DDX51: variants seen among roughly 807,000 people sequenced by gnomAD.
DDX51 encodes ATP-dependent RNA helicase DDX51.
A neutral mutation model predicts 74.6 loss-of-function variants in DDX51; 67 were observed. That is an observed-to-expected ratio of 0.90 (90% CI 0.74 to 1.10). DDX51 has a LOEUF of 1.10. DDX51 is among the 50% of genes least tolerant of loss of function. DDX51 has a pLI of 0.00. For missense variants in DDX51, 1,056 were observed against 905.2 expected (o/e 1.17, Z -2.14); for synonymous variants, 545 against 402.9 (o/e 1.35, Z -4.22).
At chr12:132,141,089 C>T (rs888356402) in intron 8 of DDX51, 69 bp from the exon 9 acceptor site, 7 of 1,534,386 alleles carry the variant, frequency 4.6e-6, no homozygotes, top group Non-Finnish European at 6.1e-6. Flanking sequence ...AACAGGATTC[C>T]TCATGCTACG....
rs983409811 is a variant in DDX51 at position 132,138,976 on chromosome 12, T to C, written c.*296A>G. ...ATGCCCCCAACTCTCAGCAAAAGCA[T>C]GACGGGTGCCCGCGTCCGTCTGGGA... On this transcript the variant is annotated 3_prime_UTR_variant, in exon 15 of 15. Transcript: ENST00000397333. 2.1e-6 allele frequency: 1 copy of C among 466,218 alleles called. No individual in the cohort carries two copies. The highest frequency in any genetic ancestry group is 3.8e-6 in the Non-Finnish European group (1 of 261,078). The allele number at this position is 466,218 out of a possible 1,614,324, so 28.9% of individuals were successfully genotyped here.
chr12:132,139,760 A>C lies in DDX51; in HGVS notation c.1849T>G (p.Phe617Val). The C allele has an allele frequency of 6.2e-7, 1 of 1,613,182 alleles. No homozygotes were observed. Among genetic ancestry groups the C allele is most frequent in the Non-Finnish European group, 8.5e-7 (1 of 1,180,006 alleles). The part of the protein sequence containing the change: ...TLLLKVQERR[F>V]LRMLTEAGAP... ...CCAGCTTCAGTTAGCATTCGGAGGA[A>C]TCTCCTCTCCTGGAGAGAAGCTCAT... The change falls in exon 14 of 15, where the codon TTC (phenylalanine) becomes GTC (valine). Residue 617 changes from phenylalanine (F) to valine (V), a missense_variant. By Grantham distance (50) the Phe-to-Val change is conservative (BLOSUM62 -1). Transcript: ENST00000397333.
intron 2 of DDX51, chr12:132,143,368 C>T (rs1002371281): frequency 1.6e-4 from 82 of 500,874 alleles, no homozygotes; most frequent in Admixed American, 7.9e-5. Flanking sequence ...AGCAAAAACA[C>T]CAACGGTCAG....
rs920372873 is a variant in DDX51 at position 132,141,558 on chromosome 12, G to A, written c.1044C>T (p.Gly348=). Reference sequence around the variant, plus strand: ...TCTGGTCGATGTGGTCCACCAGGCGGCCGGGGGTGGCTACCACGATGTCAG... The same window carrying A: ...TCTGGTCGATGTGGTCCACCAGGCGACCGGGGGTGGCTACCACGATGTCAG... The part of the protein sequence containing the change: ...CLADIVVATP[G]RLVDHIDQTP... Residue 348 remains glycine (G), a synonymous_variant, in exon 7 of 15, where the codon GGC becomes GGT. Transcript: ENST00000397333. 1 of 1,604,338 alleles carries A rather than the reference G, an allele frequency of 6.2e-7. No individual in the cohort carries two copies. The highest frequency in any genetic ancestry group is 8.5e-7 in the Non-Finnish European group (1 of 1,177,362).
intron 13 of DDX51, 22 bp downstream of exon 13, chr12:132,139,838 TC>T: frequency 6.2e-7 from 1 of 1,612,860 alleles, no homozygotes; most frequent in Non-Finnish European, 8.5e-7. Flanking sequence ...CAGCAGAAAC[TC>T]CCAAGACCCT....
Position 132,142,388 on chromosome 12 carries a change from G to T in DDX51, c.705C>A (p.Ser235Arg), listed in dbSNP as rs545597344. ...QAAVIPALLESAACGFLVGRG... is the reference protein window; with the variant it reads ...QAAVIPALLERAACGFLVGRG... ...TGCCCACCAGAAACCCACAGGCTGC[G>T]CTCTCCAGGAGGGCAGGAATCACAG... The change falls in exon 4 of 15, where the codon AGC becomes AGA. Residue 235 changes from serine to arginine, a missense_variant. Physicochemically the swap from Ser to Arg is moderately radical, Grantham distance 110 (BLOSUM62 -1). Transcript: ENST00000397333. 6.2e-7 allele frequency: 1 copy of T among 1,612,646 alleles called. No individual in the cohort carries two copies. Among genetic ancestry groups the T allele is most frequent in the Admixed American group, 1.7e-5 (1 of 60,000 alleles).
intron 14 of DDX51, 84 bp from the exon 15 acceptor site, chr12:132,139,382 T>C (rs1015198136): frequency 5.7e-6 from 9 of 1,567,316 alleles, no homozygotes; most frequent in Non-Finnish European, 7.8e-6. Flanking sequence ...CCTGGAACCC[T>C]GAGGACAGGA....
chr12:132,140,596 AC>A (rs1312774350), intron 10 of DDX51, 23 bp downstream of exon 10: 3 of 1,612,276 alleles, frequency 1.9e-6, no homozygotes, highest in Non-Finnish European at 2.5e-6. Flanking sequence ...CACCTCTGCC[AC>A]CCCCGCCCAG....
Position 132,138,321 on chromosome 12 carries a change from A to C in DDX51, c.*951T>G, listed in dbSNP as rs1342067458. 2.0e-5 allele frequency: 3 copies of C among 151,968 alleles called. No homozygotes were observed. Among genetic ancestry groups the C allele is most frequent in the Admixed American group, 2.0e-4 (3 of 15,230 alleles). The allele number at this position is 151,968 out of a possible 1,614,324, so 9.4% of individuals were successfully genotyped here. On this transcript the variant is annotated 3_prime_UTR_variant, in exon 15 of 15. Coordinates refer to ENST00000397333, the MANE Select transcript of DDX51 (RefSeq NM_175066.4). ...CAAGGTTCACAAATCTGGGGAGGAG[A>C]GCTTTTTTTTTGACGGAGTCTCACT...
At position 132,141,173 on chromosome 12, in the gene DDX51, C is replaced by T. The variant is rs1467804776; in HGVS notation, c.1250+102G>A. ...TGACAGTACGATGCGGTTCTGTGCA[C>T]CAGAGCTCAAGCCACCCTTATCTCT... On this transcript the variant is annotated intron_variant, in intron 8 of 14. Coordinates refer to ENST00000397333, the MANE Select transcript of DDX51 (RefSeq NM_175066.4). 15 of 1,506,442 alleles carry T rather than the reference C, an allele frequency of 1.0e-5. No homozygotes were observed. The East Asian group carries it at 2.7e-4, about 27-fold the overall frequency. 93.3% of individuals were successfully genotyped at this position (1,506,442 alleles called of 1,614,324 possible). A position where few individuals can be genotyped will look rare whatever the true frequency, so the allele number is the denominator to read the frequency against.
chr12:132,141,593 G>A lies in DDX51; in HGVS notation c.1009C>T (p.Arg337Cys), dbSNP rs200735214. Residue 337 changes from arginine to cysteine, a missense_variant, in exon 7 of 15, where the codon CGC (arginine) becomes TGC (cysteine). Physicochemically the swap from Arg to Cys is radical, Grantham distance 180. Coordinates refer to ENST00000397333, the MANE Select transcript of DDX51 (RefSeq NM_175066.4). The stretch of plus-strand genomic sequence containing the variant: ...GCTACCACGATGTCAGCCAAGCAGC[G>A]GTACCCATCAGCTCTACAGACCAGA... ...SLVQKTADGY[R>C]CLADIVVATP... The A allele has an allele frequency of 1.4e-4, 219 of 1,596,760 alleles. 1 individual carries two copies. The highest frequency in any genetic ancestry group is 1.7e-4 in the Admixed American group (10 of 58,314).
chr12:132,143,623 C>A (rs1042242182), intron 2 of DDX51, 72 bp downstream of exon 2: 3 of 1,509,068 alleles, frequency 2.0e-6, no homozygotes, highest in Admixed American at 2.0e-5. Flanking sequence ...TCTTCCGGGG[C>A]GACCGCCGCA....
At position 132,140,154 on chromosome 12, in the gene DDX51, A is replaced by G; in HGVS notation, c.1719T>C (p.Gly573=). 1 of 1,612,748 alleles carries G rather than the reference A, an allele frequency of 6.2e-7. No homozygotes were observed. The highest frequency in any genetic ancestry group is 1.1e-5 in the South Asian group (1 of 91,076). ...DATARGIDVQ[G]VELVVNYDAP... is the part of the protein sequence containing the mutation. The stretch of plus-strand genomic sequence containing the variant: ...CGTCGTAGTTCACCACCAGCTCCAC[A>G]CCCTGCACGTCGATGCCTCGCGCGG... Residue 573 remains glycine, a synonymous_variant, in exon 12 of 15, where the codon GGT becomes GGC. Transcript: ENST00000397333.
At position 132,138,482 on chromosome 12, in the gene DDX51, GT is replaced by G. The variant is rs150390169; in HGVS notation, c.*789del. 37,031 of 132,604 alleles carry G rather than the reference GT, an allele frequency of 0.28. 7,357 individuals carry two copies. Among genetic ancestry groups the G allele is most frequent in the African/African-American group, 0.59 (21,827 of 36,732 alleles). The allele number at this position is 132,604 out of a possible 1,614,324, so 8.2% of individuals were successfully genotyped here. A position where few individuals can be genotyped will look rare whatever the true frequency, so the allele number is the denominator to read the frequency against. ...TGCCCGCCACCACGCCCGGCTAGTT[GT>G]TTTTTTTTTTTTTTTGTATTTTTAG... On this transcript the variant is annotated 3_prime_UTR_variant, in exon 15 of 15. Coordinates refer to ENST00000397333, the MANE Select transcript of DDX51 (RefSeq NM_175066.4).
rs1055117921 is a variant in DDX51, at chr12:132,137,848, A to C, written c.*1424T>G. 2 of 152,010 alleles carry C rather than the reference A, an allele frequency of 1.3e-5. No individual in the cohort carries two copies. The highest frequency in any genetic ancestry group is 2.4e-5 in the African/African-American group (1 of 41,314). 9.4% of individuals were successfully genotyped at this position (152,010 alleles called of 1,614,324 possible). On this transcript the variant is annotated 3_prime_UTR_variant, in exon 15 of 15. Coordinates refer to ENST00000397333, the MANE Select transcript of DDX51 (RefSeq NM_175066.4). ...AGAACATTTTCATCATCCCCAAAAC[A>C]AACCCACACACTGGCCACTGTGTCC...
intron 11 of DDX51, 66 bp from the exon 12 acceptor site, chr12:132,140,265 TG>T: frequency 6.3e-7 from 1 of 1,578,332 alleles, no homozygotes; most frequent in Non-Finnish European, 8.6e-7. Context: ...GCACCGGCCC[TG>T]CGGGGGGCAG....
chr12:132,142,859 C>G lies in DDX51; in HGVS notation c.539G>C (p.Arg180Thr). 1 of 1,612,864 alleles carries G rather than the reference C, an allele frequency of 6.2e-7. No homozygotes were observed. The highest frequency in any genetic ancestry group is 8.5e-7 in the Non-Finnish European group (1 of 1,180,002). ...GACACAGTTAGGCTCAGCCAGCCAC[C>G]TTGGCAGGAAAGGCTGGACCTGCCA... is the stretch of plus-strand genomic sequence containing the variant. ...KAPKVQPFLP[R>T]WLAEPNCVRR... Residue 180 changes from arginine (R) to threonine (T), a missense_variant, in exon 3 of 15, where the codon AGG becomes ACG. Arg to Thr is a moderately conservative substitution (Grantham distance 71). Coordinates refer to ENST00000397333, the MANE Select transcript of DDX51 (RefSeq NM_175066.4).
In DDX51 at chr12:132,141,627, C is replaced by T. The variant is rs374974595; in HGVS notation, c.996-21G>A. 2.8e-5 allele frequency: 44 copies of T among 1,551,198 alleles called. No individual in the cohort carries two copies. The Admixed American group carries it at 4.9e-4, about 17-fold the overall frequency. ...CAGCTCTACAGACCAGAGAGCAGCT[C>T]GAGAGAAGGAAGCTTTCTCAAGGGC... On this transcript the variant is annotated intron_variant, in intron 6 of 14. Transcript: ENST00000397333.
At position 132,141,854 on chromosome 12, in the gene DDX51, T is replaced by C. The variant is rs1897476073; in HGVS notation, c.991A>G (p.Lys331Glu). The C allele has an allele frequency of 6.2e-7, 1 of 1,612,960 alleles. No individual in the cohort carries two copies. Among genetic ancestry groups the C allele is most frequent in the Admixed American group, 1.7e-5 (1 of 59,996 alleles). ...LAKEQESLVQ[K>E]TADGYRCLAD... The stretch of plus-strand genomic sequence containing the variant: ...CCGCACCCTGACACAACCTACGTTT[T>C]CTGGACGAGGCTCTCCTGCTCCTTG... Residue 331 changes from lysine to glutamate, a missense_variant, in exon 6 of 15, where the codon AAA (lysine) becomes GAA (glutamate). Lys to Glu is a moderately conservative substitution (Grantham distance 56, BLOSUM62 1). Transcript: ENST00000397333.
Sources: allele counts gnomAD v4.1 joint callset, GRCh38; gene constraint gnomAD v4.1.1; transcripts MANE v1.5; gene names NCBI Gene and HGNC (gene_info 2026-07-23, HGNC 2026-07-21).